The following TPM3 variants were observed in gnomAD, a reference collection of about 807,000 sequenced individuals.
TPM3 encodes the protein tropomyosin alpha-3 chain.
TPM3 carries 16 observed loss-of-function variants against 43.1 expected under a neutral mutation model. That is an observed-to-expected ratio of 0.37 (90% CI 0.25 to 0.56). TPM3 has a LOEUF of 0.56. TPM3 is among the 20% of genes least tolerant of loss of function. The pLI, the probability that TPM3 is intolerant of heterozygous loss-of-function variation, is 0.77. For synonymous variants in TPM3, 101 were observed against 116.9 expected, an observed-to-expected ratio of 0.86 and a Z score of 0.88; for missense variants, 176 against 337.2, an observed-to-expected ratio of 0.52 and a Z score of 3.74.
downstream of TPM3, chr1:154,155,947 C>G (rs1372257601): frequency 5.3e-6 from 1 of 189,958 alleles, no homozygotes; most frequent in East Asian, 8.4e-5. Flanking sequence ...CCTGTTGCTC[C>G]AGCTGGGTGC....
rs748524330 is a variant in TPM3, at chr1:154,171,465, T to A, written c.590A>T (p.Glu197Val). 6 of 1,613,958 alleles carry A rather than the reference T, an allele frequency of 3.7e-6. No homozygotes were observed. The highest frequency in any genetic ancestry group is 1.7e-5 in the Admixed American group (1 of 59,990). ...GAGGTTGTTGGTGACATTCTTCAGC[T>A]CCTCCTCCAGCTCAGAACACTTACT... Reference protein sequence around the residue: ...AESKCSELEEELKNVTNNLKS... With the variant: ...AESKCSELEEVLKNVTNNLKS... Residue 197 changes from glutamate to valine, a missense_variant, in exon 6 of 10, where the codon GAG (glutamate) becomes GTG (valine). Transcript: ENST00000651641.
downstream of TPM3, chr1:154,156,966 T>C (rs182151143): frequency 7.6e-5 from 15 of 198,488 alleles, no homozygotes; most frequent in East Asian, 1.1e-3. Context: ...TCAGAGGTCT[T>C]ACCATCTTAA....
downstream of TPM3, chr1:154,157,545 T>C (rs998756340): frequency 3.9e-6 from 3 of 765,848 alleles, no homozygotes; most frequent in African/African-American, 3.4e-5. Flanking sequence ...CAGTTAAAGA[T>C]CAGCCCTCAG....
At chr1:154,176,513 C>T (rs1558052704) in intron 2 of TPM3, among the ~76,000 whole-genome samples, 1 of 151,990 alleles carries the variant, frequency 6.6e-6, no homozygotes, top group Non-Finnish European at 1.5e-5. Flanking sequence ...GAGTTAGTAC[C>T]ACCCACTTCC....
At chr1:154,191,473 C>G (rs771035662) in intron 1 of TPM3, among the ~76,000 whole-genome samples, 162 bp from the exon 2 acceptor site, 1 of 152,174 alleles carries the variant, frequency 6.6e-6, no homozygotes. Context: ...GGAGTTATGC[C>G]GTAGCTTGGC....
chr1:154,191,516 C>T, intron 1 of TPM3: 1 of 1,292,904 alleles, frequency 7.7e-7, no homozygotes, highest in Non-Finnish European at 1.0e-6. Flanking sequence ...CCTAAGATGA[C>T]CAAGCCATCC....
In TPM3 at chr1:154,167,407, A is replaced by G. The variant is rs1001241801; in HGVS notation, c.*530T>C. 5 of 1,065,454 alleles carry G rather than the reference A, an allele frequency of 4.7e-6. No homozygotes were observed. The African/African-American group carries it at 8.2e-5, about 18-fold the overall frequency. The allele number at this position is 1,065,454 out of a possible 1,614,324, so 66.0% of individuals were successfully genotyped here. ...TGAGAGTCACTTCAATGGCTTCTCA[A>G]TGACACCACACCAAAGGAGGAATAC... is the stretch of plus-strand genomic sequence containing the variant. On this transcript the variant is annotated 3_prime_UTR_variant, in exon 10 of 10. Coordinates refer to ENST00000651641, the MANE Select transcript of TPM3 (RefSeq NM_152263.4).
rs1311324151 is a variant in TPM3 at position 154,162,128 on chromosome 1, T to C, written c.*5809A>G. Reference sequence around the variant, plus strand: ...GCTCAAGTCTGTAACCCCAGCACTTTGGAAGGCCGAGGCGGGCAGATCACG... The same window carrying C: ...GCTCAAGTCTGTAACCCCAGCACTTCGGAAGGCCGAGGCGGGCAGATCACG... On this transcript the variant is annotated 3_prime_UTR_variant, in exon 10 of 10. Transcript: ENST00000651641. Among the ~76,000 whole-genome samples the C allele has an allele frequency of 6.6e-6, 1 of 151,982 alleles. No individual in the cohort carries two copies.
intron 3 of TPM3, among the ~76,000 whole-genome samples, chr1:154,174,144 T>A (rs1661935980): frequency 6.6e-6 from 1 of 150,630 alleles, no homozygotes; most frequent in Non-Finnish European, 1.5e-5. Flanking sequence ...ACCAGCCTGG[T>A]CAACATGGCA....
At chr1:154,186,392 C>T (rs1663410744) in intron 2 of TPM3, among the ~76,000 whole-genome samples, 1 of 151,472 alleles carries the variant, frequency 6.6e-6, no homozygotes, top group South Asian at 2.1e-4. Flanking sequence ...CAGATAATCT[C>T]CTCTTAATGC....
downstream of TPM3, chr1:154,159,020 G>A (rs781381188): frequency 6.4e-6 from 5 of 780,622 alleles, no homozygotes; most frequent in African/African-American, 8.5e-5. Context: ...AAAGCAGGCG[G>A]TTTCGCTCAA....
At position 154,183,237 on chromosome 1, in the gene TPM3, G is replaced by A. The variant is rs1232245428; in HGVS notation, c.244-6989C>T. 1.8e-4 allele frequency: 282 copies of A among 1,539,296 alleles called. 4 individuals carry two copies. The East Asian group carries it at 6.8e-3, about 37-fold the overall frequency. ...CTGAAATACCGGAACTCACCAACCC[G>A]CCCGGATGTGACGTCCCTCTGCCGC... On this transcript the variant is annotated intron_variant, in intron 2 of 9. Transcript: ENST00000651641.
chr1:154,178,117 C>G (rs1558054995), intron 2 of TPM3: 1 of 985,346 alleles, frequency 1.0e-6, no homozygotes, highest in Non-Finnish European at 1.2e-6. Context: ...GACTTACCCC[C>G]CTCAGACGAA....
downstream of TPM3, chr1:154,156,536 C>A: frequency 4.9e-6 from 1 of 202,398 alleles, no homozygotes; most frequent in Non-Finnish European, 1.0e-5. Flanking sequence ...TCCTAGAAAC[C>A]TTACCAGAAA....
intron 2 of TPM3, among the ~76,000 whole-genome samples, chr1:154,190,810 T>G (rs1028277372): frequency 6.6e-6 from 1 of 152,290 alleles, no homozygotes; most frequent in Admixed American, 6.5e-5. Context: ...CATATCCACA[T>G]GCCAAGACTT....
intron 3 of TPM3, among the ~76,000 whole-genome samples, chr1:154,174,366 G>GTGTGTATA (rs1553249305): frequency 1.3e-4 from 2 of 14,990 alleles, no homozygotes; most frequent in African/African-American, 1.7e-4. Flanking sequence ...TTAAATATAT[G>GTGTGTATA]TGTATATATA....
intron 2 of TPM3, among the ~76,000 whole-genome samples, chr1:154,189,820 A>AG (rs1274568562): frequency 6.6e-6 from 1 of 150,620 alleles, no homozygotes; most frequent in African/African-American, 2.4e-5. Context: ...AAAAAAAAAA[A>AG]GGAAAAGAAA....
Position 154,166,441 on chromosome 1 carries a change from C to G in TPM3, c.*1496G>C, listed in dbSNP as rs1287970686. 3.8e-6 allele frequency: 3 copies of G among 789,074 alleles called. No individual in the cohort carries two copies. The highest frequency in any genetic ancestry group is 4.8e-6 in the Non-Finnish European group (3 of 629,312). The allele number at this position is 789,074 out of a possible 1,614,324, so 48.9% of individuals were successfully genotyped here. A position where few individuals can be genotyped will look rare whatever the true frequency, so the allele number is the denominator to read the frequency against. The stretch of plus-strand genomic sequence containing the variant: ...CTGATGCCAAATTTAGTGAGGACAT[C>G]TGACCTGCATAGCACACTACAGTGC... On this transcript the variant is annotated 3_prime_UTR_variant, in exon 10 of 10. Coordinates refer to ENST00000651641, the MANE Select transcript of TPM3 (RefSeq NM_152263.4).
intron 5 of TPM3, 135 bp from the exon 6 acceptor site, chr1:154,171,623 C>A: frequency 1.0e-6 from 1 of 960,222 alleles, no homozygotes; most frequent in Middle Eastern, 2.2e-4. Flanking sequence ...GAGATGTTCC[C>A]AAGTAACCTG....
Sources: allele counts gnomAD v4.1 joint callset (sites outside exome capture counted in the v4.1 genomes callset), GRCh38; gene constraint gnomAD v4.1.1; transcripts MANE v1.5; gene names NCBI Gene and HGNC (gene_info 2026-07-23, HGNC 2026-07-21).